Variants in MAP3K1 observed in about 807,000 individuals in gnomAD.
The protein encoded by MAP3K1 is MAP/ERK kinase kinase 1.
A neutral mutation model predicts 144.2 loss-of-function variants in MAP3K1; 36 were observed. The observed-to-expected ratio is 0.25, with a 90% CI of 0.19 to 0.33. MAP3K1 has a LOEUF of 0.33. Ranked by LOEUF, MAP3K1 falls within the 10% of genes least tolerant of loss-of-function variation. MAP3K1 has a pLI of 1.00. For synonymous variants in MAP3K1, 718 were observed against 688.7 expected (o/e 1.04, Z -0.67); for missense variants, 1,650 against 1,881.9 (o/e 0.88, Z 2.28).
chr5:56,858,238 A>G (rs955999380), intron 2 of MAP3K1, among the ~76,000 whole-genome samples: 1 of 152,242 alleles, frequency 6.6e-6, no homozygotes, highest in Admixed American at 6.5e-5. Flanking sequence ...GAGGTGTTCA[A>G]ACAGCCTAAA....
chr5:56,863,104 C>T (rs1747568192), intron 3 of MAP3K1, among the ~76,000 whole-genome samples: 1 of 152,134 alleles, frequency 6.6e-6, no homozygotes, highest in Non-Finnish European at 1.5e-5. Context: ...ATGCCATGCC[C>T]AAGTAAGGCA....
At chr5:56,852,005 C>G (rs1747187866) in intron 1 of MAP3K1, 1 of 151,254 alleles carries the variant, frequency 6.6e-6, no homozygotes, top group Non-Finnish European at 1.5e-5. Context: ...AGCGGGAGAG[C>G]AGCTAACTGC....
chr5:56,848,644 A>G (rs753130273), intron 1 of MAP3K1, among the ~76,000 whole-genome samples: 146 of 152,212 alleles, frequency 9.6e-4, no homozygotes, highest in Non-Finnish European at 1.5e-3. Flanking sequence ...TATATATTTT[A>G]TGTTTCTATA....
intron 1 of MAP3K1, among the ~76,000 whole-genome samples, chr5:56,847,468 G>A (rs1387422393): frequency 6.6e-6 from 1 of 152,170 alleles, no homozygotes; most frequent in Non-Finnish European, 1.5e-5. Context: ...GTTGTGTTGG[G>A]CGTCTGTAAT....
intron 1 of MAP3K1, among the ~76,000 whole-genome samples, chr5:56,846,597 A>C (rs1429880823): frequency 6.6e-6 from 1 of 152,226 alleles, no homozygotes; most frequent in African/African-American, 2.4e-5. Flanking sequence ...TAAAATCCCT[A>C]CCAATTTTAA....
chr5:56,866,415 G>GTGTGTGTATGTA (rs1273997699), intron 6 of MAP3K1, among the ~76,000 whole-genome samples: 2 of 151,852 alleles, frequency 1.3e-5, no homozygotes, highest in African/African-American at 4.8e-5. Flanking sequence ...AAATATGTGG[G>GTGTGTGTATGTA]TGTGTGTATG....
chr5:56,859,524 A>AT, intron 2 of MAP3K1, 191 bp from the exon 3 acceptor site: 1 of 571,486 alleles, frequency 1.7e-6, no homozygotes, highest in Non-Finnish European at 3.1e-6. Flanking sequence ...AATGACTGAA[A>AT]TTTGTGCAGG....
intron 1 of MAP3K1, among the ~76,000 whole-genome samples, chr5:56,823,747 G>T (rs1412360907): frequency 6.6e-6 from 1 of 152,166 alleles, no homozygotes; most frequent in Non-Finnish European, 1.5e-5. Flanking sequence ...ACTTGTAGAC[G>T]TGCCTGGTGG....
At chr5:56,860,023 G>C (rs751441917) in intron 3 of MAP3K1, 108 bp downstream of exon 3, 1 of 1,002,126 alleles carries the variant, frequency 1.0e-6, no homozygotes, top group Non-Finnish European at 1.5e-6. Context: ...TTCAAAATAT[G>C]ATCTGCAGAC....
rs745548925 is a variant in MAP3K1, at chr5:56,865,994, G to T, written c.1301+17G>T. The T allele has an allele frequency of 1.3e-6, 2 of 1,575,114 alleles. No homozygotes were observed. The highest frequency in any genetic ancestry group is 1.7e-6 in the Non-Finnish European group (2 of 1,144,576). ...AGAAAACAGGTTAGTACTTTTTAAG[G>T]ATTTCAAACATTAATCCAGTGTTAC... On this transcript the variant is annotated intron_variant, in intron 6 of 19. Coordinates refer to ENST00000399503, the MANE Select transcript of MAP3K1 (RefSeq NM_005921.2).
In MAP3K1 at chr5:56,875,137, G is replaced by A. The variant is rs2111920771; in HGVS notation, c.1792G>A (p.Ala598Thr). 6.2e-7 allele frequency: 1 copy of A among 1,614,186 alleles called. No individual in the cohort carries two copies. The highest frequency in any genetic ancestry group is 1.7e-5 in the Admixed American group (1 of 60,026). ...TGATGTCAGTGGGGCCCTGCTGTTG[G>A]CAAATGGGGAGAGCACTGGAAATTC... Reference protein sequence around the residue: ...SHDVSGALLLANGESTGNSGG... With the variant: ...SHDVSGALLLTNGESTGNSGG... The change falls in exon 10 of 20, where the codon GCA becomes ACA. Residue 598 changes from alanine to threonine, a missense_variant. Physicochemically the swap from Ala to Thr is moderately conservative, Grantham distance 58 (BLOSUM62 0). Coordinates refer to ENST00000399503, the MANE Select transcript of MAP3K1 (RefSeq NM_005921.2).
At chr5:56,850,114 C>T (rs1055746782) in intron 1 of MAP3K1, among the ~76,000 whole-genome samples, 1 of 152,168 alleles carries the variant, frequency 6.6e-6, no homozygotes, top group African/African-American at 2.4e-5. Flanking sequence ...TTGTCCTTTA[C>T]CTGGAACCTT....
intron 1 of MAP3K1, among the ~76,000 whole-genome samples, chr5:56,841,588 G>C (rs1579732390): frequency 6.6e-6 from 1 of 152,146 alleles, no homozygotes; most frequent in Non-Finnish European, 1.5e-5. Flanking sequence ...ATTTTGGGAA[G>C]TACTCTCCAG....
chr5:56,824,787 A>T (rs1224087965), intron 1 of MAP3K1, among the ~76,000 whole-genome samples: 1 of 152,176 alleles, frequency 6.6e-6, no homozygotes, highest in Non-Finnish European at 1.5e-5. Flanking sequence ...ATAAAAATGG[A>T]TGCTGCTTAC....
intron 1 of MAP3K1, among the ~76,000 whole-genome samples, chr5:56,846,194 AT>A (rs1204519924): frequency 6.6e-6 from 1 of 152,174 alleles, no homozygotes. Context: ...CCAAACTCAT[AT>A]TTCTGTTCAG....
intron 1 of MAP3K1, among the ~76,000 whole-genome samples, chr5:56,825,252 A>G (rs925858964): frequency 6.6e-6 from 1 of 152,130 alleles, no homozygotes; most frequent in South Asian, 2.1e-4. Context: ...ACCTCAGGTA[A>G]TCCACCCGCC....
chr5:56,828,505 T>C (rs1466144999), intron 1 of MAP3K1, among the ~76,000 whole-genome samples: 1 of 152,016 alleles, frequency 6.6e-6, no homozygotes, highest in Non-Finnish European at 1.5e-5. Flanking sequence ...GTAACAACTA[T>C]AAAGAGAAAT....
chr5:56,819,155 T>C (rs1453388535), intron 1 of MAP3K1, among the ~76,000 whole-genome samples: 1 of 152,212 alleles, frequency 6.6e-6, no homozygotes, highest in African/African-American at 2.4e-5. Context: ...AAGAGAAATA[T>C]AAGAGCTAGA....
chr5:56,870,568 G>A (rs1031786857), intron 6 of MAP3K1, among the ~76,000 whole-genome samples: 3 of 152,052 alleles, frequency 2.0e-5, no homozygotes, highest in African/African-American at 4.8e-5. Flanking sequence ...ACACATGCAC[G>A]CACGTTCCCC....
Sources: gnomAD v4.1 joint callset for allele counts (sites outside exome capture counted in the v4.1 genomes callset) on GRCh38, gnomAD v4.1.1 for gene constraint, MANE v1.5 for transcripts, NCBI Gene and HGNC (gene_info 2026-07-23, HGNC 2026-07-21) for gene names.